TG: variants seen among roughly 807,000 people sequenced by gnomAD.
TG encodes thyroid hormones.
Under a neutral mutation model 324.7 loss-of-function variants are expected in TG, and 270 were observed. That is an observed-to-expected ratio of 0.83 (90% CI 0.75 to 0.92). The LOEUF (loss-of-function observed/expected upper bound fraction) is 0.92. TG is among the 40% of genes least tolerant of loss of function. TG has a pLI of 0.00. For synonymous variants in TG, 1,401 were observed against 1,327.0 expected, an observed-to-expected ratio of 1.06 and a Z score of -1.21; for missense variants, 3,591 against 3,456.4, an observed-to-expected ratio of 1.04 and a Z score of -0.98.
chr8:132,879,725 G>A (rs544956454), intron 5 of TG, among the ~76,000 whole-genome samples: 141 of 152,262 alleles, frequency 9.3e-4, no homozygotes, highest in South Asian at 3.3e-3. Flanking sequence ...CTGAAGACAG[G>A]GTGATCTCCA....
chr8:132,964,941 T>A (rs941003663), intron 29 of TG: 1 of 702,246 alleles, frequency 1.4e-6, no homozygotes, highest in East Asian at 2.7e-5. Flanking sequence ...CAGGTATACC[T>A]GAGAAAAGGT....
chr8:133,047,728 T>C (rs553711342), intron 41 of TG: 5 of 767,296 alleles, frequency 6.5e-6, no homozygotes, highest in South Asian at 5.6e-5. Flanking sequence ...TCAATTTGCA[T>C]GGACGTAGGA....
intron 35 of TG, among the ~76,000 whole-genome samples, chr8:132,988,005 G>A (rs1023954374): frequency 2.6e-5 from 4 of 151,278 alleles, no homozygotes; most frequent in African/African-American, 4.9e-5. Flanking sequence ...CTGACCAGTC[G>A]GGGGAGCAGA....
intron 35 of TG, among the ~76,000 whole-genome samples, chr8:132,999,182 A>G (rs773834647): frequency 7.2e-5 from 11 of 152,080 alleles, no homozygotes; most frequent in Admixed American, 1.3e-4. Context: ...TTTCAGAGAG[A>G]AGGACGAGCA....
intron 41 of TG, among the ~76,000 whole-genome samples, chr8:133,078,732 A>G (rs1378545415): frequency 6.6e-6 from 1 of 152,228 alleles, no homozygotes; most frequent in Non-Finnish European, 1.5e-5. Flanking sequence ...AGAACAAAAC[A>G]ATGTTCATTA....
chr8:133,011,839 G>A (rs1019076532), intron 35 of TG, 62 bp from the exon 36 acceptor site: 8 of 1,612,178 alleles, frequency 5.0e-6, no homozygotes, highest in African/African-American at 4.0e-5. Flanking sequence ...GGTAATACAC[G>A]GCTGTCTTTG....
intron 45 of TG, among the ~76,000 whole-genome samples, chr8:133,118,601 A>G (rs150802910): frequency 1.4e-4 from 22 of 152,248 alleles, no homozygotes; most frequent in African/African-American, 4.8e-4. Context: ...CTGGGATTAC[A>G]GGCGTGAGCC....
intron 28 of TG, among the ~76,000 whole-genome samples, chr8:132,962,494 A>G (rs2130365213): frequency 6.6e-6 from 1 of 152,322 alleles, no homozygotes; most frequent in Non-Finnish European, 1.5e-5. Context: ...GCCGCACTAC[A>G]GAGAAGTGCC....
chr8:133,043,717 G>C (rs1329194864), intron 41 of TG, among the ~76,000 whole-genome samples: 1 of 152,124 alleles, frequency 6.6e-6, no homozygotes, highest in Non-Finnish European at 1.5e-5. Flanking sequence ...CTTCTCGTGG[G>C]CCAGCTGTGA....
At chr8:133,128,335 G>A (rs2979050) in intron 45 of TG, among the ~76,000 whole-genome samples, 147,958 of 148,856 alleles carry the variant, frequency 0.99, 73,530 homozygotes, top group East Asian at 1. Flanking sequence ...AACAAAAGGC[G>A]TGCACACACA....
intron 41 of TG, chr8:133,040,208 T>A: frequency 6.8e-7 from 1 of 1,468,396 alleles, no homozygotes. Context: ...TGAGACACTC[T>A]CCAGTGCAGC....
chr8:132,958,684 C>CTT (rs3076107), intron 27 of TG, among the ~76,000 whole-genome samples: 25 of 5,490 alleles, frequency 4.6e-3, no homozygotes, highest in Non-Finnish European at 5.9e-3. Flanking sequence ...TGCTGCTGCA[C>CTT]CAGGCAACAG....
intron 41 of TG, among the ~76,000 whole-genome samples, chr8:133,062,212 C>A (rs1232622529): frequency 6.6e-6 from 1 of 152,120 alleles, no homozygotes; most frequent in Non-Finnish European, 1.5e-5. Context: ...TTGCCCCTAC[C>A]CTCCTCACAA....
rs761974404 is a variant in TG at position 133,017,896 on chromosome 8, G to T, written c.6681G>T (p.Gln2227His). ...QVGTSWKQVD[Q>H]FLGVPYAAPP... ...GTACCTCATGGAAGCAAGTGGACCA[G>T]TTCCTTGGAGTTCCATATGCTGCCC... is the stretch of plus-strand genomic sequence containing the variant. The change falls in exon 38 of 48, where the codon CAG (glutamine) becomes CAT (histidine). Residue 2227 changes from glutamine to histidine, a missense_variant. By Grantham distance (24) the Gln-to-His change is conservative (BLOSUM62 0). Coordinates refer to ENST00000220616, the MANE Select transcript of TG (RefSeq NM_003235.5). 4 of 1,614,232 alleles carry T rather than the reference G, an allele frequency of 2.5e-6. No homozygotes were observed. In the South Asian group the frequency reaches 4.4e-5, roughly 18 times the overall value.
intron 43 of TG, chr8:133,106,556 TGACC>T: frequency 1.5e-6 from 1 of 682,818 alleles, no homozygotes; most frequent in Non-Finnish European, 1.8e-6. Context: ...ATCACTCCAC[TGACC>T]CCGTGGACCT....
rs140362643 is a variant in TG, at chr8:132,975,562, G to A, written c.6199+2821G>A. 3.4e-3 allele frequency among the ~76,000 whole-genome samples: 521 copies of A among 152,306 alleles called. 4 individuals carry two copies. The highest frequency in any genetic ancestry group is 0.012 in the African/African-American group (489 of 41,566). ...GCAGGGAATTAAACATTCACAGAGG[G>A]GTTCTTATTCAACCAACATTGACTG... On this transcript the variant is annotated intron_variant, in intron 34 of 47. Coordinates refer to ENST00000220616, the MANE Select transcript of TG (RefSeq NM_003235.5).
At chr8:133,040,253 A>T (rs1209631030) in intron 41 of TG, 31 of 1,067,894 alleles carry the variant, frequency 2.9e-5, no homozygotes, top group Non-Finnish European at 3.9e-5. Flanking sequence ...TGGGCCTGAG[A>T]TTTCAAAGGG....
chr8:132,987,621 T>G (rs1305983605), intron 35 of TG, among the ~76,000 whole-genome samples: 1 of 152,106 alleles, frequency 6.6e-6, no homozygotes, highest in Non-Finnish European at 1.5e-5. Context: ...GGTTACTTGG[T>G]TGAGTTTCTG....
At chr8:133,006,482 GTT>G (rs1303659277) in intron 35 of TG, among the ~76,000 whole-genome samples, 1 of 152,220 alleles carries the variant, frequency 6.6e-6, no homozygotes, top group Non-Finnish European at 1.5e-5. Context: ...CATCTTAAAT[GTT>G]TTGGCTTCTT....
Sources: gnomAD v4.1 joint callset for allele counts (sites outside exome capture counted in the v4.1 genomes callset) on GRCh38, gnomAD v4.1.1 for gene constraint, MANE v1.5 for transcripts, NCBI Gene and HGNC (gene_info 2026-07-23, HGNC 2026-07-21) for gene names.